The following CREBL2 variants were observed in gnomAD, a reference collection of about 807,000 sequenced individuals.
CREBL2 encodes the protein cAMP-responsive element-binding protein-like 2.
Under a neutral mutation model 19.5 loss-of-function variants are expected in CREBL2, and 4 were observed. That is an observed-to-expected ratio of 0.20 (90% CI 0.10 to 0.47). The LOEUF is 0.47. CREBL2 is among the 20% of genes least tolerant of loss of function. The pLI, the probability that CREBL2 is intolerant of heterozygous loss-of-function variation, is 0.98. For missense variants in CREBL2, 85 were observed against 145.1 expected (o/e 0.59, Z 2.13); for synonymous variants, 42 against 46.6 (o/e 0.90, Z 0.40).
At chr12:12,636,824 C>G (rs1945478880) in intron 2 of CREBL2, among the ~76,000 whole-genome samples, 1 of 152,082 alleles carries the variant, frequency 6.6e-6, no homozygotes, top group Non-Finnish European at 1.5e-5. Flanking sequence ...AATTGAAACT[C>G]CATTATTGTG....
chr12:12,618,847 G>A (rs1363633663), intron 1 of CREBL2, among the ~76,000 whole-genome samples: 6 of 152,204 alleles, frequency 3.9e-5, no homozygotes, highest in East Asian at 1.9e-4. Context: ...CGGCCAGCCC[G>A]GCCAACACAG....
chr12:12,620,505 C>T (rs1038057868), intron 1 of CREBL2, among the ~76,000 whole-genome samples: 3 of 152,180 alleles, frequency 2.0e-5, no homozygotes, highest in Admixed American at 1.3e-4. Flanking sequence ...GCTGAGATTA[C>T]GGACATGAGC....
chr12:12,635,337 C>G (rs1181128153), intron 1 of CREBL2, among the ~76,000 whole-genome samples: 1 of 149,306 alleles, frequency 6.7e-6, no homozygotes, highest in Non-Finnish European at 1.5e-5. Flanking sequence ...CTACTGAACT[C>G]TAGCCTGAGT....
rs1945539882 is a variant in CREBL2, at chr12:12,643,313, A to C, written c.*1315A>C. 6.6e-6 allele frequency: 1 copy of C among 152,534 alleles called. No homozygotes were observed. Among genetic ancestry groups the C allele is most frequent in the Non-Finnish European group, 1.5e-5 (1 of 68,038 alleles). 9.4% of individuals were successfully genotyped at this position (152,534 alleles called of 1,614,324 possible). A position where few individuals can be genotyped will look rare whatever the true frequency, so the allele number is the denominator to read the frequency against. ...AAGAATCAAGCTCATAATATGATACACCCAGACAGACCCAGAAATCTTTTG... is the reference window on the plus strand; with the variant it reads ...AAGAATCAAGCTCATAATATGATACCCCCAGACAGACCCAGAAATCTTTTG... On this transcript the variant is annotated 3_prime_UTR_variant, in exon 4 of 4. Transcript: ENST00000228865.
At chr12:12,624,471 C>A (rs757552591) in intron 1 of CREBL2, among the ~76,000 whole-genome samples, 1 of 152,178 alleles carries the variant, frequency 6.6e-6, no homozygotes, top group East Asian at 1.9e-4. Context: ...GGACTCACAA[C>A]GGGTGCCTCA....
chr12:12,634,015 C>G (rs879395700), intron 1 of CREBL2, among the ~76,000 whole-genome samples: 1 of 152,172 alleles, frequency 6.6e-6, no homozygotes, highest in African/African-American at 2.4e-5. Context: ...ATCAGTCATT[C>G]AGAACCATGT....
chr12:12,616,256 T>C (rs1945310779), intron 1 of CREBL2, among the ~76,000 whole-genome samples: 1 of 152,174 alleles, frequency 6.6e-6, no homozygotes. Context: ...AGCTGTAAGA[T>C]CATATAAAAG....
At chr12:12,613,107 G>C (rs561708171) in intron 1 of CREBL2, among the ~76,000 whole-genome samples, 2 of 152,242 alleles carry the variant, frequency 1.3e-5, no homozygotes, top group African/African-American at 4.8e-5. Context: ...CCAATCTTAG[G>C]TGTCCGCTCG....
At chr12:12,621,062 A>T (rs1015426428) in intron 1 of CREBL2, among the ~76,000 whole-genome samples, 11 of 152,226 alleles carry the variant, frequency 7.2e-5, no homozygotes, top group Non-Finnish European at 1.6e-4. Flanking sequence ...ACAGTAAAGT[A>T]AGTATTTTGG....
chr12:12,613,505 A>C (rs567664150), intron 1 of CREBL2, among the ~76,000 whole-genome samples: 2 of 152,188 alleles, frequency 1.3e-5, no homozygotes, highest in Non-Finnish European at 2.9e-5. Context: ...TCCTTGTTTT[A>C]TTCTTTCCTT....
chr12:12,637,842 A>C (rs1945487547), intron 3 of CREBL2, 128 bp downstream of exon 3: 3 of 1,034,454 alleles, frequency 2.9e-6, no homozygotes, highest in Non-Finnish European at 2.7e-6. Context: ...GGAGTTCAAG[A>C]CCAGACAGGG....
At chr12:12,629,047 A>G (rs1227843658) in intron 1 of CREBL2, among the ~76,000 whole-genome samples, 2 of 152,220 alleles carry the variant, frequency 1.3e-5, no homozygotes, top group African/African-American at 4.8e-5. Context: ...CTGAAATCAG[A>G]AAGTGTGAGC....
intron 1 of CREBL2, chr12:12,614,769 C>A: frequency 2.9e-6 from 1 of 349,604 alleles, no homozygotes; most frequent in African/African-American, 2.2e-5. Flanking sequence ...AGAATCTTTC[C>A]CTTTTTTGTT....
intron 1 of CREBL2, among the ~76,000 whole-genome samples, chr12:12,628,196 T>A (rs117931286): frequency 3.5e-4 from 53 of 152,264 alleles, no homozygotes; most frequent in Non-Finnish European, 7.1e-4. Flanking sequence ...TCTTTTTGAT[T>A]ATGTAAACAT....
chr12:12,637,654 T>C lies in CREBL2; in HGVS notation c.298T>C (p.Ser100Pro). 6.2e-7 allele frequency: 1 copy of C among 1,613,504 alleles called. No individual in the cohort carries two copies. Among genetic ancestry groups the C allele is most frequent in the Non-Finnish European group, 8.5e-7 (1 of 1,179,728 alleles). Reference protein sequence around the residue: ...ALLTGEEQNKSQQNSSRHTKA... With the variant: ...ALLTGEEQNKPQQNSSRHTKA... ...ACTCACTGGAGAAGAGCAGAACAAATCTCAGCAGAACTCAAGCAGGCATAC... is the reference window on the plus strand; with the variant it reads ...ACTCACTGGAGAAGAGCAGAACAAACCTCAGCAGAACTCAAGCAGGCATAC... The change falls in exon 3 of 4, where the codon TCT becomes CCT. Residue 100 changes from serine to proline, a missense_variant. Ser to Pro is a moderately conservative substitution (Grantham distance 74, BLOSUM62 -1). Coordinates refer to ENST00000228865, the MANE Select transcript of CREBL2 (RefSeq NM_001310.4).
rs1249058708 is a variant in CREBL2, at chr12:12,642,587, C to T, written c.*589C>T. Reference sequence around the variant, plus strand: ...TATGTATTAACAAATATATACATTTCTATTTTTATAATCCATAAGGATATG... The same window carrying T: ...TATGTATTAACAAATATATACATTTTTATTTTTATAATCCATAAGGATATG... On this transcript the variant is annotated 3_prime_UTR_variant, in exon 4 of 4. Transcript: ENST00000228865. 6.6e-6 allele frequency: 1 copy of T among 152,506 alleles called. No individual in the cohort carries two copies. Among genetic ancestry groups the T allele is most frequent in the Non-Finnish European group, 1.5e-5 (1 of 68,028 alleles). 9.4% of individuals were successfully genotyped at this position (152,506 alleles called of 1,614,324 possible).
chr12:12,629,336 A>G (rs542087609), intron 1 of CREBL2, among the ~76,000 whole-genome samples: 3 of 152,248 alleles, frequency 2.0e-5, no homozygotes, highest in African/African-American at 7.2e-5. Flanking sequence ...GACACTCCTT[A>G]TGCTAAATTT....
rs551939043 is a variant in CREBL2, at chr12:12,630,585, C to A, written c.16-5192C>A. 3.9e-5 allele frequency among the ~76,000 whole-genome samples: 6 copies of A among 152,106 alleles called. No homozygotes were observed. The East Asian group carries it at 1.2e-3, about 29-fold the overall frequency. On this transcript the variant is annotated intron_variant, in intron 1 of 3. Coordinates refer to ENST00000228865, the MANE Select transcript of CREBL2 (RefSeq NM_001310.4). ...GATTTTTCTCTGTTGTATTTCCATT[C>A]TTTATTTTATTCATCTCTGCCTACT...
intron 1 of CREBL2, among the ~76,000 whole-genome samples, chr12:12,626,107 T>C (rs183625169): frequency 1.5e-3 from 227 of 152,228 alleles, no homozygotes; most frequent in African/African-American, 5.0e-3. Flanking sequence ...ATTCTGTTTG[T>C]CCTGAAAAAT....
Sources: allele counts gnomAD v4.1 joint callset (sites outside exome capture counted in the v4.1 genomes callset), GRCh38; gene constraint gnomAD v4.1.1; transcripts MANE v1.5; gene names NCBI Gene and HGNC (gene_info 2026-07-23, HGNC 2026-07-21).